UPF2: variants seen among roughly 807,000 people sequenced by gnomAD.
UPF2 encodes regulator of nonsense transcripts 2.
A neutral mutation model predicts 141.4 loss-of-function variants in UPF2; 17 were observed. The observed-to-expected ratio is 0.12, with a 90% confidence interval of 0.08 to 0.18. The LOEUF is 0.18. UPF2 is among the 10% of genes least tolerant of loss of function. UPF2 has a pLI of 1.00. For missense variants in UPF2, 1,152 were observed against 1,515.9 expected, an observed-to-expected ratio of 0.76 and a Z score of 3.99; for synonymous variants, 540 against 498.0, an observed-to-expected ratio of 1.08 and a Z score of -1.12.
chr10:11,948,737 GTA>G (rs113586101), intron 15 of UPF2, among the ~76,000 whole-genome samples: 15 of 152,268 alleles, frequency 9.9e-5, no homozygotes, highest in African/African-American at 3.4e-4. Flanking sequence ...AAAAATAAGT[GTA>G]TGTGTGTGTA....
Position 12,029,386 on chromosome 10 carries a change from C to T in UPF2, c.504G>A (p.Leu168=). 1 of 1,614,194 alleles carries T rather than the reference C, an allele frequency of 6.2e-7. No individual in the cohort carries two copies. Among genetic ancestry groups the T allele is most frequent in the Non-Finnish European group, 8.5e-7 (1 of 1,180,024 alleles). Residue 168 remains leucine, a synonymous_variant, in exon 3 of 22, where the codon TTG becomes TTA. Coordinates refer to ENST00000357604, the MANE Select transcript of UPF2 (RefSeq NM_015542.4). ...ENFFSRLDSS[L]KKNTAFVKKL... is the part of the protein sequence containing the mutation. ...TCTTGACAAAAGCAGTATTTTTCTTCAAACTTGAGTCGAGGCGGCTGAAGA... is the reference window on the plus strand; with the variant it reads ...TCTTGACAAAAGCAGTATTTTTCTTTAAACTTGAGTCGAGGCGGCTGAAGA...
chr10:11,933,964 T>C (rs1832812277), intron 19 of UPF2, among the ~76,000 whole-genome samples: 1 of 152,228 alleles, frequency 6.6e-6, no homozygotes, highest in Non-Finnish European at 1.5e-5. Flanking sequence ...AAGGTATATC[T>C]AGCTGAAGCT....
intron 19 of UPF2, among the ~76,000 whole-genome samples, chr10:11,933,817 A>C (rs1832810272): frequency 6.6e-6 from 1 of 152,220 alleles, no homozygotes; most frequent in South Asian, 2.1e-4. Flanking sequence ...GAGGAAGGAA[A>C]AAAACTCATT....
At chr10:11,961,028 T>A (rs1833232139) in intron 11 of UPF2, among the ~76,000 whole-genome samples, 1 of 147,014 alleles carries the variant, frequency 6.8e-6, no homozygotes, top group Non-Finnish European at 1.5e-5. Context: ...AGTTGGAGGC[T>A]GCAGTGAGCT....
intron 3 of UPF2, among the ~76,000 whole-genome samples, chr10:12,015,228 T>C (rs1834197160): frequency 6.6e-6 from 1 of 152,168 alleles, no homozygotes. Flanking sequence ...GTTATTTGCG[T>C]TTTCTTACAA....
chr10:11,943,047 T>G lies in UPF2; in HGVS notation c.3279+17A>C. ...TGCTGCACAATTTCAAAAAGTAAAT[T>G]TTTCAGCCATACGTACAGTATTCTC... On this transcript the variant is annotated intron_variant, in intron 17 of 21. Transcript: ENST00000357604. 1 of 1,574,428 alleles carries G rather than the reference T, an allele frequency of 6.4e-7. No individual in the cohort carries two copies. The highest frequency in any genetic ancestry group is 8.7e-7 in the Non-Finnish European group (1 of 1,152,102).
At chr10:12,030,467 G>A (rs1834499026) in intron 2 of UPF2, among the ~76,000 whole-genome samples, 1 of 151,832 alleles carries the variant, frequency 6.6e-6, no homozygotes, top group Non-Finnish European at 1.5e-5. Context: ...CTGGGAGTCG[G>A]AGACTGATGC....
chr10:11,928,537 G>A (rs951611326), intron 21 of UPF2, among the ~76,000 whole-genome samples: 7 of 151,298 alleles, frequency 4.6e-5, no homozygotes, highest in Non-Finnish European at 7.4e-5. Flanking sequence ...GTGAAACCCC[G>A]TCTCTACTAA....
chr10:12,010,805 C>T (rs917151319), intron 4 of UPF2, among the ~76,000 whole-genome samples: 4 of 150,842 alleles, frequency 2.7e-5, no homozygotes, highest in South Asian at 2.1e-4. Flanking sequence ...TTGAAATCAG[C>T]GATAATGAAA....
Position 11,978,767 on chromosome 10 carries a change from G to T in UPF2, c.1953+290C>A, listed in dbSNP as rs531363342. 9.2e-5 allele frequency among the ~76,000 whole-genome samples: 14 copies of T among 152,300 alleles called. No homozygotes were observed. In the South Asian group the frequency reaches 1.0e-3, roughly 11 times the overall value. On this transcript the variant is annotated intron_variant, in intron 9 of 21. Coordinates refer to ENST00000357604, the MANE Select transcript of UPF2 (RefSeq NM_015542.4). ...TTTGGAAACACCAGTGAAGGCTCTG[G>T]CTGTCTTGACCCTGGAGAATGATTT...
intron 8 of UPF2, among the ~76,000 whole-genome samples, chr10:11,987,761 CAAAAAAAAAAA>C (rs572687103): frequency 1.6e-3 from 88 of 54,158 alleles, no homozygotes; most frequent in African/African-American, 6.8e-3. Flanking sequence ...GACTCTGCCT[CAAAAAAAAAAA>C]AAAAAAAAAA....
intron 15 of UPF2, among the ~76,000 whole-genome samples, chr10:11,950,367 A>G (rs1263127274): frequency 6.6e-6 from 1 of 152,158 alleles, no homozygotes; most frequent in Non-Finnish European, 1.5e-5. Flanking sequence ...TAGGAAACGG[A>G]TTTAATATTG....
intron 3 of UPF2, among the ~76,000 whole-genome samples, chr10:12,021,254 A>G (rs7072138): frequency 0.6 from 90,710 of 151,912 alleles, 28,380 homozygotes; most frequent in East Asian, 0.86. Context: ...TATAGGCCAG[A>G]TGTGGTGGCT....
intron 21 of UPF2, among the ~76,000 whole-genome samples, chr10:11,928,345 G>T (rs1366157106): frequency 6.6e-6 from 1 of 151,426 alleles, no homozygotes; most frequent in African/African-American, 2.4e-5. Flanking sequence ...TCAAAAAAAA[G>T]AACAAAATTA....
Position 11,959,104 on chromosome 10 carries a change from C to T in UPF2, c.2370+67G>A. The T allele has an allele frequency of 1.3e-6, 2 of 1,483,642 alleles. No homozygotes were observed. Among genetic ancestry groups the T allele is most frequent in the Non-Finnish European group, 1.8e-6 (2 of 1,115,866 alleles). 91.9% of individuals were successfully genotyped at this position (1,483,642 alleles called of 1,614,324 possible). On this transcript the variant is annotated intron_variant, in intron 12 of 21. Transcript: ENST00000357604. The surrounding 1 kb of genome is among the most constrained non-coding windows in gnomAD (Gnocchi z 5.9). Reference sequence around the variant, plus strand: ...GCTCTACCCCCACTTCTCCTAGACTCTACATAAGCTTAGCACTACCACAAA... The same window carrying T: ...GCTCTACCCCCACTTCTCCTAGACTTTACATAAGCTTAGCACTACCACAAA...
At chr10:12,009,056 G>A (rs972790495) in intron 4 of UPF2, among the ~76,000 whole-genome samples, 18 of 152,110 alleles carry the variant, frequency 1.2e-4, no homozygotes, top group Admixed American at 1.1e-3. Flanking sequence ...ATTCCATGGT[G>A]TATATGTACC....
chr10:12,032,076 C>CT (rs1306430568), intron 2 of UPF2, among the ~76,000 whole-genome samples: 1 of 151,964 alleles, frequency 6.6e-6, no homozygotes, highest in Non-Finnish European at 1.5e-5. Context: ...GGTGGATCAC[C>CT]TGAGGTCAGG....
intron 11 of UPF2, 101 bp downstream of exon 11, chr10:11,963,908 T>C (rs1218470921): frequency 2.6e-6 from 2 of 756,094 alleles, no homozygotes; most frequent in Non-Finnish European, 4.3e-6. Flanking sequence ...TTTGTATTCA[T>C]ATGAAAGAAT....
At position 12,001,824 on chromosome 10, in the gene UPF2, C is replaced by T. The variant is rs1833957696; in HGVS notation, c.1506G>A (p.Glu502=). 6.3e-7 allele frequency: 1 copy of T among 1,584,932 alleles called. No homozygotes were observed. The highest frequency in any genetic ancestry group is 8.6e-7 in the Non-Finnish European group (1 of 1,168,726). Residue 502 remains glutamate, a splice_region_variant and synonymous_variant, in exon 6 of 22, where the codon GAG becomes GAA. Transcript: ENST00000357604. ...NKESNKDDTK[E]AKESKENKEV... Reference sequence around the variant, plus strand: ...CCTTATTCTCCTTAGATTCTTTTGCCTCTGTTGAAAAACAAACAAGTATAC... The same window carrying T: ...CCTTATTCTCCTTAGATTCTTTTGCTTCTGTTGAAAAACAAACAAGTATAC...
Sources: gnomAD v4.1 joint callset for allele counts (sites outside exome capture counted in the v4.1 genomes callset) on GRCh38, gnomAD v4.1.1 for gene constraint, Gnocchi (gnomAD v3.1) non-coding constraint, MANE v1.5 for transcripts, NCBI Gene and HGNC (gene_info 2026-07-23, HGNC 2026-07-21) for gene names.